The following HCN4 variants were observed in gnomAD, a reference collection of about 807,000 sequenced individuals.
The protein encoded by HCN4 is potassium/sodium hyperpolarization-activated cyclic nucleotide-gated channel 4.
In HCN4, 29 loss-of-function variants were observed where a neutral mutation model predicts 76.9. That is an observed-to-expected ratio of 0.38 (90% CI 0.28 to 0.51). The LOEUF (loss-of-function observed/expected upper bound fraction) is 0.51. Among genes scored for constraint, HCN4 ranks in the 20% least tolerant of loss-of-function variants. The probability of loss-of-function intolerance (pLI) is 0.90; values close to 1 mark genes in which losing one functional copy is unlikely to be tolerated. For synonymous variants in HCN4, 772 were observed against 762.5 expected, an observed-to-expected ratio of 1.01 and a Z score of -0.21; for missense variants, 1,416 against 1,715.2, an observed-to-expected ratio of 0.83 and a Z score of 3.08.
chr15:73,324,054 C>A, intron 7 of HCN4, 35 bp downstream of exon 7: 1 of 1,609,136 alleles, frequency 6.2e-7, no homozygotes, highest in Non-Finnish European at 8.5e-7. Context: ...CCCCAACACC[C>A]CCCACCTGCC....
At chr15:73,362,879 G>A (rs1595835626) in intron 1 of HCN4, among the ~76,000 whole-genome samples, 1 of 152,176 alleles carries the variant, frequency 6.6e-6, no homozygotes, top group African/African-American at 2.4e-5. Flanking sequence ...CTGGAGCCGA[G>A]GCCTCTCTAG....
At chr15:73,353,532 G>A (rs967702269) in intron 1 of HCN4, among the ~76,000 whole-genome samples, 2 of 152,112 alleles carry the variant, frequency 1.3e-5, no homozygotes, top group African/African-American at 4.8e-5. Flanking sequence ...ACACGCATGA[G>A]GATGCCTTTC....
At chr15:73,350,754 C>T (rs955502336) in intron 1 of HCN4, among the ~76,000 whole-genome samples, 5 of 152,124 alleles carry the variant, frequency 3.3e-5, no homozygotes, top group Admixed American at 1.3e-4. Context: ...CCCCAGGGAC[C>T]TTAATCTACA....
At chr15:73,346,911 C>T (rs1422509743) in intron 1 of HCN4, among the ~76,000 whole-genome samples, 6 of 152,154 alleles carry the variant, frequency 3.9e-5, no homozygotes, top group Non-Finnish European at 1.5e-5. Context: ...CGTTCAGCAC[C>T]ACGGACAGCG....
At chr15:73,331,708 G>A (rs566867434) in intron 3 of HCN4, among the ~76,000 whole-genome samples, 1 of 152,232 alleles carries the variant, frequency 6.6e-6, no homozygotes, top group African/African-American at 2.4e-5. Context: ...GCCTCCTAAA[G>A]CACTGGGATT....
In HCN4 at chr15:73,329,811, T is replaced by G. The variant is rs1434459962; in HGVS notation, c.1372-20A>C. Reference sequence around the variant, plus strand: ...GTTGTTCTGTGGACAGACGGATGGGTGGGGACAGTGGATGAGAGGGAAGGC... The same window carrying G: ...GTTGTTCTGTGGACAGACGGATGGGGGGGGACAGTGGATGAGAGGGAAGGC... On this transcript the variant is annotated intron_variant, in intron 3 of 7. Transcript: ENST00000261917. The G allele has an allele frequency of 6.3e-7, 1 of 1,596,548 alleles. No homozygotes were observed. Among genetic ancestry groups the G allele is most frequent in the African/African-American group, 1.3e-5 (1 of 74,584 alleles).
intron 2 of HCN4, among the ~76,000 whole-genome samples, chr15:73,336,348 C>G (rs1390858787): frequency 1.3e-5 from 2 of 152,190 alleles, no homozygotes; most frequent in Non-Finnish European, 2.9e-5. Flanking sequence ...CAGGATGCAA[C>G]TGTGTTGCCG....
rs1319531988 is a variant in HCN4, at chr15:73,321,298, C to CA, written c.*1182dup. On this transcript the variant is annotated 3_prime_UTR_variant, in exon 8 of 8. Coordinates refer to ENST00000261917, the MANE Select transcript of HCN4 (RefSeq NM_005477.3). ...CCATCTACCTCAGCCCCCCTCAACACAGTTTTCTGATGGAAGGAACACAGA... is the reference window on the plus strand; with the variant it reads ...CCATCTACCTCAGCCCCCCTCAACACAAGTTTTCTGATGGAAGGAACACAGA... The CA allele has an allele frequency of 6.6e-6, 1 of 152,206 alleles. No individual in the cohort carries two copies. Among genetic ancestry groups the CA allele is most frequent in the Non-Finnish European group, 1.5e-5 (1 of 68,042 alleles). The allele number at this position is 152,206 out of a possible 1,614,324, so 9.4% of individuals were successfully genotyped here. A position where few individuals can be genotyped will look rare whatever the true frequency, so the allele number is the denominator to read the frequency against.
At chr15:73,347,694 A>G (rs1157077273) in intron 1 of HCN4, among the ~76,000 whole-genome samples, 1 of 152,158 alleles carries the variant, frequency 6.6e-6, no homozygotes, top group Non-Finnish European at 1.5e-5. Context: ...TCATGAATAA[A>G]TCTCACAATC....
chr15:73,321,404 T>G lies in HCN4; in HGVS notation c.*1077A>C, dbSNP rs2042856532. Reference sequence around the variant, plus strand: ...TCCTAGTTACATGATTCTGGAAAAATTACCCAAAACTGTTTCTTCCTCTGC... The same window carrying G: ...TCCTAGTTACATGATTCTGGAAAAAGTACCCAAAACTGTTTCTTCCTCTGC... On this transcript the variant is annotated 3_prime_UTR_variant, in exon 8 of 8. Transcript: ENST00000261917. The G allele has an allele frequency of 6.6e-6, 1 of 152,118 alleles. No homozygotes were observed. Among genetic ancestry groups the G allele is most frequent in the African/African-American group, 2.4e-5 (1 of 41,388 alleles). 9.4% of individuals were successfully genotyped at this position (152,118 alleles called of 1,614,324 possible).
intron 1 of HCN4, among the ~76,000 whole-genome samples, chr15:73,356,988 G>C (rs573355893): frequency 6.6e-6 from 1 of 152,114 alleles, no homozygotes; most frequent in Non-Finnish European, 1.5e-5. Context: ...GTGCAGATGG[G>C]GGCTTGGGGA....
intron 1 of HCN4, among the ~76,000 whole-genome samples, chr15:73,365,130 G>A (rs528189967): frequency 3.3e-5 from 5 of 152,298 alleles, no homozygotes; most frequent in Admixed American, 2.6e-4. Flanking sequence ...GTGCTGGTCG[G>A]GGTGCGGTGG....
chr15:73,368,057 G>A lies in HCN4; in HGVS notation c.214C>T (p.Leu72Phe), dbSNP rs2043137832. Residue 72 changes from leucine to phenylalanine, a missense_variant, in exon 1 of 8, where the codon CTC becomes TTC. This residue lies in a region of HCN4 where 355 missense variants were observed against 347.8 expected (regional missense o/e 1.02). Coordinates refer to ENST00000261917, the MANE Select transcript of HCN4 (RefSeq NM_005477.3). The surrounding 1 kb of genome is among the most constrained non-coding windows in gnomAD (Gnocchi z 6.9). ...GGCCCTTCGCTGTCCGCTGCCCCGA[G>A]GGCCGAGCTCCGGGACTCCGTGCCA... is the stretch of plus-strand genomic sequence containing the variant. ...AGGTESRSSA[L>F]GAADSEGPAR... 11 of 1,478,960 alleles carry A rather than the reference G, an allele frequency of 7.4e-6. No homozygotes were observed. The highest frequency in any genetic ancestry group is 2.9e-5 in the East Asian group (1 of 34,452). 91.6% of individuals were successfully genotyped at this position (1,478,960 alleles called of 1,614,324 possible). A position where few individuals can be genotyped will look rare whatever the true frequency, so the allele number is the denominator to read the frequency against.
At position 73,323,637 on chromosome 15, in the gene HCN4, G is replaced by A. The variant is rs980872364; in HGVS notation, c.2456C>T (p.Ala819Val). 1.9e-6 allele frequency: 3 copies of A among 1,597,968 alleles called. No homozygotes were observed. The highest frequency in any genetic ancestry group is 1.3e-5 in the African/African-American group (1 of 74,962). Residue 819 changes from alanine (A) to valine (V), a missense_variant, in exon 8 of 8, where the codon GCC (alanine) becomes GTC (valine). Transcript: ENST00000261917. The part of the protein sequence containing the change: ...PPGSGLGNLG[A>V]GQTPRHLKRL... ...TTTCAGGTGCCTTGGCGTCTGCCCG[G>A]CACCGAGGTTGCCCAGCCCAGATCC...
chr15:73,361,050 C>T (rs1174438258), intron 1 of HCN4, among the ~76,000 whole-genome samples: 3 of 152,100 alleles, frequency 2.0e-5, no homozygotes, highest in South Asian at 2.1e-4. Context: ...AAGAGAAGCC[C>T]GAGAGCCATA....
chr15:73,340,583 G>A (rs2042995307), intron 2 of HCN4, among the ~76,000 whole-genome samples: 1 of 152,116 alleles, frequency 6.6e-6, no homozygotes, highest in Admixed American at 6.5e-5. Flanking sequence ...ACCCTCCAGA[G>A]TCACTGTCCC....
chr15:73,338,928 T>C (rs887633197), intron 2 of HCN4, among the ~76,000 whole-genome samples: 4 of 152,178 alleles, frequency 2.6e-5, no homozygotes, highest in Non-Finnish European at 4.4e-5. Flanking sequence ...GACCTCTCCT[T>C]GTGTCATCTC....
At chr15:73,336,936 T>C (rs1190574361) in intron 2 of HCN4, among the ~76,000 whole-genome samples, 1 of 152,178 alleles carries the variant, frequency 6.6e-6, no homozygotes, top group Non-Finnish European at 1.5e-5. Flanking sequence ...CCTCGGCATC[T>C]CGGCTCCCAA....
At position 73,329,700 on chromosome 15, in the gene HCN4, C is replaced by T; in HGVS notation, c.1463G>A (p.Gly488Asp). The T allele has an allele frequency of 6.2e-7, 1 of 1,614,176 alleles. No homozygotes were observed. ...CATGGTGAGCCAGACGTCGGACATGCCCACGGGCGCCTGCCGCCCGTAGCC... is the reference window on the plus strand; with the variant it reads ...CATGGTGAGCCAGACGTCGGACATGTCCACGGGCGCCTGCCGCCCGTAGCC... ...CIGYGRQAPV[G>D]MSDVWLTMLS... is the part of the protein sequence containing the mutation. Residue 488 changes from glycine (G) to aspartate (D), a missense_variant, in exon 4 of 8, where the codon GGC becomes GAC. This residue lies in a region of HCN4 where 112 missense variants were observed against 259.9 expected (regional missense o/e 0.43). Coordinates refer to ENST00000261917, the MANE Select transcript of HCN4 (RefSeq NM_005477.3).
Sources: allele counts gnomAD v4.1 joint callset (sites outside exome capture counted in the v4.1 genomes callset), GRCh38; gene constraint gnomAD v4.1.1; regional missense constraint gnomAD v4.1.1; non-coding constraint Gnocchi (gnomAD v3.1); transcripts MANE v1.5; gene names NCBI Gene and HGNC (gene_info 2026-07-23, HGNC 2026-07-21).